ANKUB1: variants seen among roughly 807,000 people sequenced by gnomAD.
ANKUB1 encodes the protein protein ANKUB1.
A neutral mutation model predicts 49.3 loss-of-function variants in ANKUB1; 42 were observed. The observed-to-expected ratio is 0.85, with a 90% CI of 0.67 to 1.10. The LOEUF (loss-of-function observed/expected upper bound fraction) is 1.10, where lower values mean the gene tolerates loss of function less well. Ranked by LOEUF, ANKUB1 falls within the 50% of genes least tolerant of loss-of-function variation. The pLI is 0.00. For missense variants in ANKUB1, 613 were observed against 642.0 expected (o/e 0.95, Z 0.49); for synonymous variants, 222 against 231.0 (o/e 0.96, Z 0.35).
At position 149,790,809 on chromosome 3, in the gene ANKUB1, A is replaced by G. The variant is rs1335461004; in HGVS notation, c.206T>C (p.Phe69Ser). ...SWSLADVGIS[F>S]CSTLKCFVKE... is the part of the protein sequence containing the mutation. ...AACAAAGCATTTGAGAGTTGAACAG[A>G]AAGATATTCCAACATCAGCAAGACT... is the stretch of plus-strand genomic sequence containing the variant. The change falls in exon 2 of 6, where the codon TTC (phenylalanine) becomes TCC (serine). Residue 69 changes from phenylalanine (F) to serine (S), a missense_variant. Coordinates refer to ENST00000446160, the MANE Select transcript of ANKUB1 (RefSeq NM_001144960.3). 2 of 1,551,764 alleles carry G rather than the reference A, an allele frequency of 1.3e-6. No homozygotes were observed. Among genetic ancestry groups the G allele is most frequent in the South Asian group, 2.4e-5 (2 of 84,022 alleles).
Position 149,761,624 on chromosome 3 carries a change from A to G in ANKUB1, c.1506-11T>C. 6.5e-7 allele frequency: 1 copy of G among 1,550,254 alleles called. No individual in the cohort carries two copies. Among genetic ancestry groups the G allele is most frequent in the Non-Finnish European group, 8.7e-7 (1 of 1,146,394 alleles). ...TTCTCTTTAAAGGCACTGCAAGAAA[A>G]CAAGATATAATTTGTAAGGAGGTCT... is the stretch of plus-strand genomic sequence containing the variant. On this transcript the variant is annotated splice_polypyrimidine_tract_variant and intron_variant, in intron 5 of 5. Coordinates refer to ENST00000446160, the MANE Select transcript of ANKUB1 (RefSeq NM_001144960.3).
chr3:149,766,764 C>A, intron 5 of ANKUB1: 1 of 976,048 alleles, frequency 1.0e-6, no homozygotes, highest in Non-Finnish European at 1.5e-6. Context: ...CACCACTGCA[C>A]TCCAGCCTGA....
chr3:149,777,638 CT>C (rs917382897), intron 3 of ANKUB1, among the ~76,000 whole-genome samples: 1 of 152,232 alleles, frequency 6.6e-6, no homozygotes, highest in African/African-American at 2.4e-5. Context: ...GGTTCCTCCG[CT>C]CTGCAGAACA....
At chr3:149,766,817 AAGC>A (rs11268295) in intron 5 of ANKUB1, 16,794 of 898,568 alleles carry the variant, frequency 0.019, 1,119 homozygotes, top group African/African-American at 0.047. Flanking sequence ...GAAAAAAGAA[AAGC>A]AGCAGCAGCA....
At position 149,767,174 on chromosome 3, in the gene ANKUB1, G is replaced by A. The variant is rs1482631277; in HGVS notation, c.1488C>T (p.Tyr496=). Residue 496 remains tyrosine, a synonymous_variant, in exon 5 of 6, where the codon TAC becomes TAT. Transcript: ENST00000446160. ...SGKTPWENAI[Y]CLAVASAFKE... is the part of the protein sequence containing the mutation. ...AACATTACCTTGCCACAGCTAAGCA[G>A]TAGATTGCGTTCTCCCATGGAGTCT... 2.0e-6 allele frequency: 3 copies of A among 1,529,352 alleles called. No individual in the cohort carries two copies. Among genetic ancestry groups the A allele is most frequent in the South Asian group, 1.3e-5 (1 of 79,490 alleles). The allele number at this position is 1,529,352 out of a possible 1,614,324, so 94.7% of individuals were successfully genotyped here.
At chr3:149,769,328 G>A (rs532669057) in intron 4 of ANKUB1, among the ~76,000 whole-genome samples, 12 of 152,180 alleles carry the variant, frequency 7.9e-5, no homozygotes, top group South Asian at 2.1e-4. Flanking sequence ...AGCTATACCC[G>A]TTACACTTTA....
At chr3:149,770,719 G>C in intron 3 of ANKUB1, 45 bp from the exon 4 acceptor site, 1 of 1,225,584 alleles carries the variant, frequency 8.2e-7, no homozygotes. Flanking sequence ...CCAGCAGTGT[G>C]GTTTGACAAT....
rs1359376768 is a variant in ANKUB1, at chr3:149,763,834, G to A, written c.1506-2221C>T. ...CTCACCAACCCAAACCCACATTAGC[G>A]CTTGATCTGTGTTAACTGCATAATG... On this transcript the variant is annotated intron_variant, in intron 5 of 5. Transcript: ENST00000446160. 2.9e-5 allele frequency: 13 copies of A among 448,048 alleles called. No individual in the cohort carries two copies. The East Asian group carries it at 3.5e-4, about 12-fold the overall frequency. 27.8% of individuals were successfully genotyped at this position (448,048 alleles called of 1,614,324 possible). A position where few individuals can be genotyped will look rare whatever the true frequency, so the allele number is the denominator to read the frequency against.
intron 2 of ANKUB1, among the ~76,000 whole-genome samples, chr3:149,781,360 G>T (rs1473447351): frequency 2.6e-5 from 4 of 152,152 alleles, no homozygotes; most frequent in Non-Finnish European, 5.9e-5. Context: ...GGGAGGAAAA[G>T]ATTATTATCA....
rs1717108963 is a variant in ANKUB1 at position 149,767,663 on chromosome 3, A to C, written c.999T>G (p.Phe333Leu). Reference sequence around the variant, plus strand: ...TTGCCCCAAAGACCCTTGCTCCACAAAACTGGCTTTTATGAAGACTGTGAC... The same window carrying C: ...TTGCCCCAAAGACCCTTGCTCCACACAACTGGCTTTTATGAAGACTGTGAC... ...AQSHSLHKSQ[F>L]CGARVFGAKV... Residue 333 changes from phenylalanine to leucine, a missense_variant, in exon 5 of 6, where the codon TTT (phenylalanine) becomes TTG (leucine). Phe to Leu is a conservative substitution (Grantham distance 22, BLOSUM62 0). Transcript: ENST00000446160. 6.4e-7 allele frequency: 1 copy of C among 1,551,524 alleles called. No homozygotes were observed. Among genetic ancestry groups the C allele is most frequent in the South Asian group, 1.2e-5 (1 of 84,058 alleles).
chr3:149,787,972 G>T (rs1230967650), intron 2 of ANKUB1, among the ~76,000 whole-genome samples: 1 of 152,146 alleles, frequency 6.6e-6, no homozygotes, highest in Non-Finnish European at 1.5e-5. Flanking sequence ...TTCACATTAT[G>T]ATATTTCTAA....
rs1383999545 is a variant in ANKUB1 at position 149,790,866 on chromosome 3, A to G, written c.149T>C (p.Met50Thr). ...GTCCTTTAGAGCAGCTCCAGCATAC[A>G]TTAACTCCAGATACCGCCTGCCTTG... ...DKQGRRYLELMYAGAALKDSW... is the reference protein window; with the variant it reads ...DKQGRRYLELTYAGAALKDSW... Residue 50 changes from methionine (M) to threonine (T), a missense_variant, in exon 2 of 6, where the codon ATG becomes ACG. By Grantham distance (81) the Met-to-Thr change is moderately conservative. Transcript: ENST00000446160. 2 of 1,552,230 alleles carry G rather than the reference A, an allele frequency of 1.3e-6. No individual in the cohort carries two copies. The highest frequency in any genetic ancestry group is 2.4e-5 in the East Asian group (1 of 40,914).
At chr3:149,775,081 T>C in intron 3 of ANKUB1, among the ~76,000 whole-genome samples, 1 of 152,228 alleles carries the variant, frequency 6.6e-6, no homozygotes, top group Non-Finnish European at 1.5e-5. Flanking sequence ...CTGTCCATTC[T>C]GTGCTTGCAA....
At chr3:149,766,002 T>C (rs1273548345) in intron 5 of ANKUB1, among the ~76,000 whole-genome samples, 1 of 152,196 alleles carries the variant, frequency 6.6e-6, no homozygotes, top group Non-Finnish European at 1.5e-5. Flanking sequence ...GAAAAGCAAG[T>C]AGAACAATCT....
intron 5 of ANKUB1, among the ~76,000 whole-genome samples, chr3:149,764,601 TCCCTCCCTCCCTCCTCTCCTC>T (rs1716925195): frequency 3.2e-5 from 1 of 31,012 alleles, no homozygotes; most frequent in African/African-American, 1.4e-4. Context: ...CCTTCCTTCC[TCCCTCCCTCCCTCCTCTCCTC>T]CCTTCCTCCC....
At chr3:149,765,823 T>G (rs886950832) in intron 5 of ANKUB1, among the ~76,000 whole-genome samples, 1 of 152,218 alleles carries the variant, frequency 6.6e-6, no homozygotes, top group Non-Finnish European at 1.5e-5. Flanking sequence ...GTCAGAGATA[T>G]CTCACAAATT....
At position 149,780,274 on chromosome 3, in the gene ANKUB1, T is replaced by A; in HGVS notation, c.416A>T (p.Asp139Val). ...LRTPRGLEMY[D>V]CNTLKDYQTD... The stretch of plus-strand genomic sequence containing the variant: ...CTGGTAGTCCTTGAGGGTGTTGCAA[T>A]CATACATCTCCAGGCCCCTTGGGGT... The change falls in exon 3 of 6, where the codon GAT (aspartate) becomes GTT (valine). Residue 139 changes from aspartate to valine, a missense_variant. Asp to Val is a radical substitution (Grantham distance 152). Transcript: ENST00000446160. The A allele has an allele frequency of 6.4e-7, 1 of 1,551,712 alleles. No homozygotes were observed. The highest frequency in any genetic ancestry group is 8.7e-7 in the Non-Finnish European group (1 of 1,146,990).
chr3:149,771,569 A>G (rs1373326118), intron 3 of ANKUB1, among the ~76,000 whole-genome samples: 3 of 152,070 alleles, frequency 2.0e-5, no homozygotes, highest in African/African-American at 7.2e-5. Flanking sequence ...CCTCACCTTC[A>G]TTACTTTGTA....
rs747076790 is a variant in ANKUB1 at position 149,792,265 on chromosome 3, C to T, written c.90+12G>A. The T allele has an allele frequency of 1.1e-4, 168 of 1,462,508 alleles. No individual in the cohort carries two copies. Among genetic ancestry groups the T allele is most frequent in the Middle Eastern group, 8.9e-4 (5 of 5,638 alleles). 90.6% of individuals were successfully genotyped at this position (1,462,508 alleles called of 1,614,324 possible). A position where few individuals can be genotyped will look rare whatever the true frequency, so the allele number is the denominator to read the frequency against. On this transcript the variant is annotated intron_variant, in intron 1 of 5. Coordinates refer to ENST00000446160, the MANE Select transcript of ANKUB1 (RefSeq NM_001144960.3). ...AATATACATTTTGGTGGTTTGGGAA[C>T]GAAGTACATACCTTTATCATCAGCT...
Sources: allele counts gnomAD v4.1 joint callset (sites outside exome capture counted in the v4.1 genomes callset), GRCh38; gene constraint gnomAD v4.1.1; transcripts MANE v1.5; gene names NCBI Gene and HGNC (gene_info 2026-07-23, HGNC 2026-07-21).